Variants in ALOX5AP observed in about 807,000 individuals in gnomAD.
ALOX5AP encodes the protein arachidonate 5-lipoxygenase activating protein, also known as arachidonate 5-lipoxygenase-activating protein.
Under a neutral mutation model 18.5 loss-of-function variants are expected in ALOX5AP, and 9 were observed. That is an observed-to-expected ratio of 0.49 (90% CI 0.29 to 0.85). The LOEUF is 0.85. ALOX5AP is among the 40% of genes least tolerant of loss of function. The pLI is 0.08. For missense variants in ALOX5AP, 172 were observed against 202.5 expected (o/e 0.85, Z 0.91); for synonymous variants, 81 against 78.6 (o/e 1.03, Z -0.16).
chr13:30,734,832 G>A (rs1951707849), upstream of ALOX5AP, among the ~76,000 whole-genome samples: 1 of 152,152 alleles, frequency 6.6e-6, no homozygotes, highest in South Asian at 2.1e-4. Flanking sequence ...GGAGATATCA[G>A]CTGTCCCTCC....
chr13:30,739,626 G>A (rs146888508), intron 1 of ALOX5AP, among the ~76,000 whole-genome samples: 2 of 152,208 alleles, frequency 1.3e-5, no homozygotes, highest in African/African-American at 4.8e-5. Flanking sequence ...GTAAGGACAG[G>A]GTTTCACCAT....
At chr13:30,731,001 C>G (rs1022641036), upstream of ALOX5AP, among the ~76,000 whole-genome samples, 2 of 145,516 alleles carry the variant, frequency 1.4e-5, no homozygotes, top group African/African-American at 2.5e-5. Context: ...TGCATAATTA[C>G]GGAGAGCGCT....
intron 2 of ALOX5AP, among the ~76,000 whole-genome samples, chr13:30,745,663 T>A (rs1196911026): frequency 6.6e-6 from 1 of 152,264 alleles, no homozygotes; most frequent in African/African-American, 2.4e-5. Flanking sequence ...ATTTAAGACA[T>A]TTTAAAACCA....
chr13:30,739,154 C>T (rs1951743174), intron 1 of ALOX5AP, among the ~76,000 whole-genome samples: 1 of 152,148 alleles, frequency 6.6e-6, no homozygotes, highest in Admixed American at 6.5e-5. Context: ...CACAAACTTC[C>T]AAGCTTGCCT....
At chr13:30,742,859 G>GGCCCC in intron 1 of ALOX5AP, among the ~76,000 whole-genome samples, 1 of 105,970 alleles carries the variant, frequency 9.4e-6, no homozygotes. Flanking sequence ...GACCTTCACC[G>GGCCCC]CCCCCCCCCC....
upstream of ALOX5AP, among the ~76,000 whole-genome samples, chr13:30,731,455 C>G (rs557655203): frequency 6.6e-6 from 1 of 151,902 alleles, no homozygotes; most frequent in East Asian, 1.9e-4. Context: ...CTCACTGAAG[C>G]CTCCATCTCT....
At chr13:30,755,894 T>A in intron 3 of ALOX5AP, 50 bp from the exon 4 acceptor site, 1 of 1,572,506 alleles carries the variant, frequency 6.4e-7, no homozygotes, top group Non-Finnish European at 8.8e-7. Flanking sequence ...GCTAACAGCA[T>A]GTTTTGGTGG....
intron 4 of ALOX5AP, among the ~76,000 whole-genome samples, chr13:30,762,078 G>A (rs1951946710): frequency 6.6e-6 from 1 of 152,202 alleles, no homozygotes; most frequent in Admixed American, 6.5e-5. Flanking sequence ...AACAGGGCTG[G>A]TGTCAGCTAG....
chr13:30,727,023 G>C (rs75576183), intron 1 of ALOX5AP, among the ~76,000 whole-genome samples: 19 of 149,752 alleles, frequency 1.3e-4, no homozygotes, highest in African/African-American at 4.7e-4. Flanking sequence ...TGTTGGATGA[G>C]AGAAAGTTTC....
At chr13:30,761,825 A>G (rs1197342719) in intron 4 of ALOX5AP, among the ~76,000 whole-genome samples, 1 of 152,222 alleles carries the variant, frequency 6.6e-6, no homozygotes, top group Non-Finnish European at 1.5e-5. Context: ...CTGGATGAGG[A>G]TCCACCCATA....
Position 30,763,929 on chromosome 13 carries a change from T to C in ALOX5AP, c.324-15T>C, listed in dbSNP as rs1157106376. 1.4e-5 allele frequency: 23 copies of C among 1,608,528 alleles called. No homozygotes were observed. Among genetic ancestry groups the C allele is most frequent in the Non-Finnish European group, 2.0e-5 (23 of 1,178,238 alleles). The stretch of plus-strand genomic sequence containing the variant: ...TCGCACTGCATCTACAGTTTTCTTT[T>C]TCCTTCTCTTCCAGCACCCCTGGCT... On this transcript the variant is annotated splice_polypyrimidine_tract_variant and intron_variant, in intron 4 of 4. Transcript: ENST00000380490.
chr13:30,751,469 G>A lies in ALOX5AP; in HGVS notation c.171-583G>A, dbSNP rs543137845. Among the ~76,000 whole-genome samples, 51 of 152,302 alleles carry A rather than the reference G, an allele frequency of 3.3e-4. No homozygotes were observed. The Middle Eastern group carries it at 0.014, about 41-fold the overall frequency. On this transcript the variant is annotated intron_variant, in intron 2 of 4. Coordinates refer to ENST00000380490, the MANE Select transcript of ALOX5AP (RefSeq NM_001629.4). ...GAGAGGAAGGGTGCAAAACATCCAC[G>A]GTAGAGTGAGAACTCTCCAGGGAGT...
In ALOX5AP at chr13:30,750,379, T is replaced by A. The variant is rs9578197; in HGVS notation, c.171-1673T>A. 6.3e-3 allele frequency among the ~76,000 whole-genome samples: 954 copies of A among 152,348 alleles called. 7 individuals are homozygous for A. The highest frequency in any genetic ancestry group is 0.017 in the African/African-American group (727 of 41,572). On this transcript the variant is annotated intron_variant, in intron 2 of 4. Transcript: ENST00000380490. ...CCTCTGTATTTATTTCCCTCCCTTT[T>A]TATGCCTCTCAAGTCTAGTTACACT...
chr13:30,722,472 C>T (rs1203782692), intron 1 of ALOX5AP, among the ~76,000 whole-genome samples: 2 of 152,102 alleles, frequency 1.3e-5, no homozygotes, highest in Admixed American at 6.6e-5. Flanking sequence ...TTAACACTAA[C>T]TGGGTCTATT....
intron 3 of ALOX5AP, among the ~76,000 whole-genome samples, chr13:30,754,038 G>A (rs569059618): frequency 2.6e-5 from 4 of 152,252 alleles, no homozygotes; most frequent in South Asian, 2.1e-4. Context: ...TTGGGAGTTC[G>A]ACAACAGCCT....
intron 3 of ALOX5AP, among the ~76,000 whole-genome samples, chr13:30,752,750 G>A (rs559279218): frequency 6.6e-6 from 1 of 152,242 alleles, no homozygotes; most frequent in Non-Finnish European, 1.5e-5. Flanking sequence ...GCCCTGGAGG[G>A]CACAGGCAGA....
chr13:30,746,485 A>G (rs146110943), intron 2 of ALOX5AP, among the ~76,000 whole-genome samples: 39 of 152,362 alleles, frequency 2.6e-4, no homozygotes, highest in African/African-American at 9.4e-4. Context: ...GGCCAGCAAC[A>G]TATCTGTGTG....
intron 3 of ALOX5AP, among the ~76,000 whole-genome samples, chr13:30,753,774 G>C (rs1951870669): frequency 1.3e-5 from 2 of 152,308 alleles, no homozygotes; most frequent in South Asian, 4.1e-4. Flanking sequence ...CCTTGCACAG[G>C]GGTATGAGTG....
intron 4 of ALOX5AP, among the ~76,000 whole-genome samples, chr13:30,758,620 A>T (rs1951916040): frequency 6.6e-6 from 1 of 152,020 alleles, no homozygotes; most frequent in African/African-American, 2.4e-5. Flanking sequence ...TCCCTTTTTA[A>T]TGCCCTCTAG....
Sources: gnomAD v4.1 joint callset for allele counts (sites outside exome capture counted in the v4.1 genomes callset) on GRCh38, gnomAD v4.1.1 for gene constraint, MANE v1.5 for transcripts, NCBI Gene and HGNC (gene_info 2026-07-23, HGNC 2026-07-21) for gene names.